The following PLCG2 variants were observed in gnomAD, a reference collection of about 807,000 sequenced individuals.
PLCG2 encodes phospholipase C gamma 2, also known as 1-phosphatidylinositol 4,5-bisphosphate phosphodiesterase gamma-2.
In PLCG2, 69 loss-of-function variants were observed where a neutral mutation model predicts 175.6. The observed-to-expected ratio is 0.39, with a 90% CI of 0.32 to 0.48. PLCG2 has a LOEUF of 0.48. PLCG2 is among the 20% of genes least tolerant of loss of function. The pLI, the probability that PLCG2 is intolerant of heterozygous loss-of-function variation, is 0.91. For missense variants in PLCG2, 1,798 were observed against 1,650.9 expected, an observed-to-expected ratio of 1.09 and a Z score of -1.54; for synonymous variants, 827 against 624.0, an observed-to-expected ratio of 1.33 and a Z score of -4.85.
chr16:81,919,652 G>A lies in PLCG2; in HGVS notation c.2223G>A (p.Glu741=), dbSNP rs1318191403. 6.2e-7 allele frequency: 1 copy of A among 1,613,744 alleles called. No homozygotes were observed. The highest frequency in any genetic ancestry group is 1.3e-5 in the African/African-American group (1 of 74,920). ...LRYPVTPELL[E]RYNMERDINS... ...ACCCCGTGACCCCCGAGCTCCTGGAGCGCTACAATATGGTAGGTGGTGGAC... is the reference window on the plus strand; with the variant it reads ...ACCCCGTGACCCCCGAGCTCCTGGAACGCTACAATATGGTAGGTGGTGGAC... The change falls in exon 20 of 33, where the codon GAG becomes GAA. Residue 741 remains glutamate (E), a synonymous_variant. Coordinates refer to ENST00000564138, the MANE Select transcript of PLCG2 (RefSeq NM_002661.5).
intron 2 of PLCG2, among the ~76,000 whole-genome samples, chr16:81,789,853 C>CCG (rs1911152491): frequency 6.8e-6 from 1 of 146,638 alleles, no homozygotes; most frequent in African/African-American, 2.5e-5. Context: ...TGCCCCCCCT[C>CCG]CATTGCCTCC....
intron 17 of PLCG2, among the ~76,000 whole-genome samples, chr16:81,909,724 A>G (rs1031245314): frequency 6.6e-6 from 1 of 152,224 alleles, no homozygotes; most frequent in East Asian, 1.9e-4. Context: ...GAAAATTAGA[A>G]TACTAATAAC....
chr16:81,743,405 C>G (rs991659773), intron 1 of PLCG2, among the ~76,000 whole-genome samples: 3 of 152,182 alleles, frequency 2.0e-5, no homozygotes, highest in African/African-American at 7.2e-5. Flanking sequence ...ACTGGACCGA[C>G]TGGCACAGAC....
At chr16:81,900,497 C>A in intron 13 of PLCG2, 115 bp from the exon 14 acceptor site, 1 of 876,168 alleles carries the variant, frequency 1.1e-6, no homozygotes, top group Non-Finnish European at 1.7e-6. Context: ...GGGGTTGTGC[C>A]CCCCGAGCAG....
At chr16:81,786,435 G>T (rs1203610074) in intron 2 of PLCG2, among the ~76,000 whole-genome samples, 10 of 152,204 alleles carry the variant, frequency 6.6e-5, no homozygotes, top group Admixed American at 6.5e-4. Flanking sequence ...TGGCATTCAG[G>T]CAGCTCTCCT....
chr16:81,899,463 C>G (rs796694415), intron 13 of PLCG2, among the ~76,000 whole-genome samples: 1 of 152,094 alleles, frequency 6.6e-6, no homozygotes, highest in African/African-American at 2.4e-5. Context: ...AATCAAATCT[C>G]AAAGCACTCT....
chr16:81,924,629 C>T (rs1439532846), intron 22 of PLCG2, among the ~76,000 whole-genome samples: 1 of 152,238 alleles, frequency 6.6e-6, no homozygotes, highest in Admixed American at 6.5e-5. Context: ...TGTCCTCTTG[C>T]AAGATGCCTT....
intron 2 of PLCG2, among the ~76,000 whole-genome samples, chr16:81,804,537 A>C (rs1911904008): frequency 6.6e-6 from 1 of 152,224 alleles, no homozygotes; most frequent in African/African-American, 2.4e-5. Context: ...CATACATTTT[A>C]ACCATCACTT....
chr16:81,907,759 G>C lies in PLCG2; in HGVS notation c.1542G>C (p.Glu514Asp). ...SFSDDIEQTM[E>D]EEVPQDIPPT... Reference sequence around the variant, plus strand: ...GTGATGACATTGAACAGACTATGGAGGAGGAAGTGCCCCAGGTAGGGGGAC... The same window carrying C: ...GTGATGACATTGAACAGACTATGGACGAGGAAGTGCCCCAGGTAGGGGGAC... Residue 514 changes from glutamate (E) to aspartate (D), a missense_variant, in exon 16 of 33, where the codon GAG becomes GAC. Transcript: ENST00000564138. 1 of 1,613,274 alleles carries C rather than the reference G, an allele frequency of 6.2e-7. No individual in the cohort carries two copies. Among genetic ancestry groups the C allele is most frequent in the Non-Finnish European group, 8.5e-7 (1 of 1,179,422 alleles).
intron 7 of PLCG2, among the ~76,000 whole-genome samples, chr16:81,873,553 G>T (rs1567509666): frequency 6.8e-6 from 1 of 146,274 alleles, no homozygotes; most frequent in Non-Finnish European, 1.5e-5. Context: ...GCAAATAACA[G>T]TTTTTTTTTT....
At chr16:81,758,002 G>A (rs1431127455) in intron 2 of PLCG2, among the ~76,000 whole-genome samples, 1 of 152,174 alleles carries the variant, frequency 6.6e-6, no homozygotes, top group African/African-American at 2.4e-5. Context: ...TTGAGGCACT[G>A]TCTCGATCTG....
intron 2 of PLCG2, among the ~76,000 whole-genome samples, chr16:81,813,523 C>G (rs1904408791): frequency 6.6e-6 from 1 of 152,284 alleles, no homozygotes; most frequent in South Asian, 2.1e-4. Flanking sequence ...GATTTTGTAT[C>G]CTGAGACTCT....
chr16:81,814,635 C>T (rs888468976), intron 2 of PLCG2, among the ~76,000 whole-genome samples: 40 of 151,922 alleles, frequency 2.6e-4, no homozygotes, highest in Admixed American at 2.6e-3. Flanking sequence ...GTGGAGGTTG[C>T]AGTGAACCAA....
At chr16:81,855,912 G>C (rs921122192) in intron 3 of PLCG2, among the ~76,000 whole-genome samples, 1 of 152,160 alleles carries the variant, frequency 6.6e-6, no homozygotes, top group African/African-American at 2.4e-5. Context: ...TGGGGTAGGA[G>C]GGCAAGGCCC....
Position 81,893,806 on chromosome 16 carries a change from C to T in PLCG2, c.1072+12C>T. 6.3e-7 allele frequency: 1 copy of T among 1,578,702 alleles called. No individual in the cohort carries two copies. Among genetic ancestry groups the T allele is most frequent in the African/African-American group, 1.3e-5 (1 of 74,324 alleles). Reference sequence around the variant, plus strand: ...TCGCTGCATTGAACGTGAGTAGCTCCTTCTTGGTGGAGGTCAGGCTCGCAG... The same window carrying T: ...TCGCTGCATTGAACGTGAGTAGCTCTTTCTTGGTGGAGGTCAGGCTCGCAG... On this transcript the variant is annotated intron_variant, in intron 12 of 32. Coordinates refer to ENST00000564138, the MANE Select transcript of PLCG2 (RefSeq NM_002661.5).
At chr16:81,840,171 C>T (rs940197178) in intron 2 of PLCG2, among the ~76,000 whole-genome samples, 1 of 152,202 alleles carries the variant, frequency 6.6e-6, no homozygotes, top group Non-Finnish European at 1.5e-5. Flanking sequence ...AGAAATGAAA[C>T]ATCGGCAATC....
At chr16:81,862,053 C>A (rs866922077) in intron 5 of PLCG2, among the ~76,000 whole-genome samples, 1 of 152,216 alleles carries the variant, frequency 6.6e-6, no homozygotes. Flanking sequence ...TTCTGGGAAG[C>A]CTGGAGGGAG....
In PLCG2 at chr16:81,895,620, C is replaced by T. The variant is rs1195969482; in HGVS notation, c.1073-187C>T. ...AACTAGCTTGTCTTGGACAGCTGCA[C>T]TTGCATTATGTAAGCGCACAGGGAA... On this transcript the variant is annotated intron_variant, in intron 12 of 32. Coordinates refer to ENST00000564138, the MANE Select transcript of PLCG2 (RefSeq NM_002661.5). 5 of 578,860 alleles carry T rather than the reference C, an allele frequency of 8.6e-6. No individual in the cohort carries two copies. In the Admixed American group the frequency reaches 9.3e-5, roughly 11 times the overall value. 35.9% of individuals were successfully genotyped at this position (578,860 alleles called of 1,614,324 possible).
intron 1 of PLCG2, among the ~76,000 whole-genome samples, chr16:81,755,491 C>T (rs1484472653): frequency 3.3e-5 from 5 of 151,736 alleles, no homozygotes; most frequent in African/African-American, 4.8e-5. Context: ...CAAGCGTGAG[C>T]CACCAAACCT....
Sources: allele counts gnomAD v4.1 joint callset (sites outside exome capture counted in the v4.1 genomes callset), GRCh38; gene constraint gnomAD v4.1.1; transcripts MANE v1.5; gene names NCBI Gene and HGNC (gene_info 2026-07-23, HGNC 2026-07-21).